The following MAMLD1 variants were observed in gnomAD, a reference collection of about 807,000 sequenced individuals.
The protein encoded by MAMLD1 is mastermind-like domain-containing protein 1.
A neutral mutation model predicts 45.0 loss-of-function variants in MAMLD1; 14 were observed. That is an observed-to-expected ratio of 0.31 (90% CI 0.21 to 0.49). The LOEUF (loss-of-function observed/expected upper bound fraction) is 0.49. Among genes scored for constraint, MAMLD1 ranks in the 20% least tolerant of loss-of-function variants. The pLI is 0.99. For synonymous variants in MAMLD1, 254 were observed against 247.8 expected, an observed-to-expected ratio of 1.02 and a Z score of -0.24; for missense variants, 543 against 603.6, an observed-to-expected ratio of 0.90 and a Z score of 1.05.
intron 5 of MAMLD1, among the ~76,000 whole-genome samples, chrX:150,496,139 A>T (rs2037370409): frequency 8.9e-6 from 1 of 112,983 alleles, no homozygotes. Context: ...TTGCCCGAAC[A>T]TGACGGTTAG....
At chrX:150,377,069 C>G (rs781913059) in intron 1 of MAMLD1, among the ~76,000 whole-genome samples, 14 of 113,204 alleles carry the variant, frequency 1.2e-4, no homozygotes, top group Non-Finnish European at 2.6e-4. Flanking sequence ...GCGCCCCACT[C>G]ATTCCCGAAC....
chrX:150,365,250 G>C (rs950010613), intron 1 of MAMLD1, among the ~76,000 whole-genome samples: 1 of 112,305 alleles, frequency 8.9e-6, no homozygotes, highest in Non-Finnish European at 1.9e-5. Flanking sequence ...CGAGCCGCTC[G>C]GGACAGGAGG....
intron 1 of MAMLD1, among the ~76,000 whole-genome samples, chrX:150,406,299 G>C (rs2033996862): frequency 9.1e-6 from 1 of 109,756 alleles, no homozygotes; most frequent in East Asian, 2.9e-4. Flanking sequence ...GCAGGTAATG[G>C]AAGAGCTGGG....
intron 1 of MAMLD1, among the ~76,000 whole-genome samples, chrX:150,423,386 T>TGTGTGTGTG (rs2034590514): frequency 0.035 from 3,431 of 96,864 alleles, 90 homozygotes; most frequent in Non-Finnish European, 0.044. Context: ...GTGTGTGTGT[T>TGTGTGTGTG]TGCACCTTTG....
intron 6 of MAMLD1, among the ~76,000 whole-genome samples, chrX:150,508,986 G>C (rs1382587240): frequency 3.6e-5 from 4 of 111,660 alleles, no homozygotes; most frequent in Non-Finnish European, 7.5e-5. Flanking sequence ...CTCAGAGCAA[G>C]TCATGCCTTT....
chrX:150,392,932 A>G (rs2033251977), intron 1 of MAMLD1, among the ~76,000 whole-genome samples: 1 of 110,832 alleles, frequency 9.0e-6, no homozygotes, highest in Non-Finnish European at 1.9e-5. Context: ...ATTTGCTACA[A>G]TTGATGAACC....
In MAMLD1 at chrX:150,503,361, G is replaced by C; in HGVS notation, c.2128G>C (p.Gly710Arg). 3 of 1,211,878 alleles carry C rather than the reference G, an allele frequency of 2.5e-6. No homozygotes were observed. Among genetic ancestry groups the C allele is most frequent in the Non-Finnish European group, 3.4e-6 (3 of 895,070 alleles). The change falls in exon 6 of 8, where the codon GGG becomes CGG. Residue 710 changes from glycine (G) to arginine (R), a missense_variant. Coordinates refer to ENST00000370401, the MANE Select transcript of MAMLD1 (RefSeq NM_005491.5). ...ACAGCCCCCGTCCTGCCAGGCCCTGGGGAGTGAGTCCTTCCTGCCCGGCAG... is the reference window on the plus strand; with the variant it reads ...ACAGCCCCCGTCCTGCCAGGCCCTGCGGAGTGAGTCCTTCCTGCCCGGCAG... ...GRQPPSCQAL[G>R]SESFLPGSSF...
chrX:150,458,759 A>G (rs1557405468), intron 2 of MAMLD1, among the ~76,000 whole-genome samples: 1 of 112,343 alleles, frequency 8.9e-6, no homozygotes. Flanking sequence ...CAATGCATCC[A>G]TCCATAACTT....
At chrX:150,391,128 A>T (rs1297318525) in intron 1 of MAMLD1, among the ~76,000 whole-genome samples, 2 of 112,142 alleles carry the variant, frequency 1.8e-5, no homozygotes, top group African/African-American at 6.5e-5. Flanking sequence ...TGTTAAATGC[A>T]ATGTGCCTTG....
At chrX:150,371,667 A>G (rs781823477) in intron 1 of MAMLD1, among the ~76,000 whole-genome samples, 15 of 112,145 alleles carry the variant, frequency 1.3e-4, no homozygotes, top group Non-Finnish European at 2.4e-4. Context: ...TCACCCCACA[A>G]GTAATGCATT....
intron 1 of MAMLD1, among the ~76,000 whole-genome samples, chrX:150,440,990 ATAATATTTAATATAAATAT>A (rs1227883933): frequency 4.8e-5 from 5 of 105,012 alleles, no homozygotes; most frequent in East Asian, 5.6e-4. Context: ...ATAATATAAT[ATAATATTTAATATAAATAT>A]TAATATTTAA....
At chrX:150,454,920 C>T (rs191030907) in intron 2 of MAMLD1, among the ~76,000 whole-genome samples, 85 of 111,046 alleles carry the variant, frequency 7.7e-4, no homozygotes, top group South Asian at 2.0e-3. Context: ...TCCGTCATTA[C>T]CACCTCCATC....
intron 1 of MAMLD1, among the ~76,000 whole-genome samples, chrX:150,429,341 GA>G (rs113278705): frequency 0.29 from 31,407 of 109,009 alleles, 3,521 homozygotes; most frequent in East Asian, 0.44. Context: ...AAAGTTGATT[GA>G]AAAAAATAGT....
Position 150,386,834 on chromosome X carries a change from C to G in MAMLD1, c.-64+23304C>G, listed in dbSNP as rs782520730. Among the ~76,000 whole-genome samples the G allele has an allele frequency of 3.3e-4, 37 of 110,708 alleles. 1 individual carries two copies. The South Asian group carries it at 0.014, about 41-fold the overall frequency. ...ATTTTTTTTTTTCCAGTATAAGGCA[C>G]TTTCATCTGCATTAAATCCTGTTCA... On this transcript the variant is annotated intron_variant, in intron 1 of 7. Coordinates refer to ENST00000370401, the MANE Select transcript of MAMLD1 (RefSeq NM_005491.5).
At chrX:150,392,804 G>A (rs1247608899) in intron 1 of MAMLD1, among the ~76,000 whole-genome samples, 1 of 109,854 alleles carries the variant, frequency 9.1e-6, no homozygotes, top group Non-Finnish European at 1.9e-5. Context: ...TTTTTTAACA[G>A]CAGCTTTAAT....
At chrX:150,478,026 C>T (rs1280545417) in intron 5 of MAMLD1, among the ~76,000 whole-genome samples, 1 of 112,215 alleles carries the variant, frequency 8.9e-6, no homozygotes, top group Non-Finnish European at 1.9e-5. Context: ...CTCCTAAAGC[C>T]TCCAAAAAGA....
At chrX:150,406,075 A>G (rs1256521266) in intron 1 of MAMLD1, among the ~76,000 whole-genome samples, 10 of 111,693 alleles carry the variant, frequency 9.0e-5, no homozygotes, top group African/African-American at 3.3e-4. Context: ...TTGGCCAGGC[A>G]TATGTGCTGT....
chrX:150,401,206 A>T (rs1557402422), intron 1 of MAMLD1, among the ~76,000 whole-genome samples: 1 of 110,935 alleles, frequency 9.0e-6, no homozygotes, highest in Non-Finnish European at 1.9e-5. Flanking sequence ...TGTGTCGAGG[A>T]GCAACTTCAG....
At chrX:150,502,066 A>G (rs2037572721) in intron 5 of MAMLD1, among the ~76,000 whole-genome samples, 1 of 112,953 alleles carries the variant, frequency 8.9e-6, no homozygotes, top group African/African-American at 3.2e-5. Flanking sequence ...ATATTTAAAG[A>G]ACCTGGGTTA....
Sources: gnomAD v4.1 joint callset for allele counts (sites outside exome capture counted in the v4.1 genomes callset) on GRCh38, gnomAD v4.1.1 for gene constraint, MANE v1.5 for transcripts, NCBI Gene and HGNC (gene_info 2026-07-23, HGNC 2026-07-21) for gene names.